The following CACNB2 variants were observed in gnomAD, a reference collection of about 807,000 sequenced individuals.
The protein encoded by CACNB2 is calcium voltage-gated channel auxiliary subunit beta 2.
In CACNB2, 42 loss-of-function variants were observed where a neutral mutation model predicts 73.3. That is an observed-to-expected ratio of 0.57 (90% CI 0.45 to 0.74). CACNB2 has a LOEUF of 0.74. CACNB2 is among the 30% of genes least tolerant of loss of function. The pLI is 0.00. For missense variants in CACNB2, 940 were observed against 853.0 expected (o/e 1.10, Z -1.27); for synonymous variants, 348 against 310.3 (o/e 1.12, Z -1.28).
chr10:18,329,624 A>C (rs1296599402), intron 2 of CACNB2, among the ~76,000 whole-genome samples: 1 of 152,114 alleles, frequency 6.6e-6, no homozygotes, highest in African/African-American at 2.4e-5. Context: ...GTGCGTTTAG[A>C]AAGTTGGATT....
chr10:18,233,040 G>A (rs562127028), intron 2 of CACNB2, among the ~76,000 whole-genome samples: 4 of 152,144 alleles, frequency 2.6e-5, no homozygotes, highest in Non-Finnish European at 4.4e-5. Flanking sequence ...AACCATGATC[G>A]CACCACTGCA....
At chr10:18,245,802 A>G (rs2036837684) in intron 2 of CACNB2, among the ~76,000 whole-genome samples, 1 of 152,116 alleles carries the variant, frequency 6.6e-6, no homozygotes, top group Non-Finnish European at 1.5e-5. Flanking sequence ...AGTCCTGGGT[A>G]GGTGAAGGTA....
intron 2 of CACNB2, among the ~76,000 whole-genome samples, chr10:18,212,342 A>G (rs771633175): frequency 2.2e-5 from 3 of 139,186 alleles, no homozygotes; most frequent in Non-Finnish European, 4.7e-5. Context: ...CCTTGACTTG[A>G]TACCTTTTGC....
chr10:18,325,689 C>CCCTT lies in CACNB2; in HGVS notation c.214-76209_214-76206dup, dbSNP rs1355342877. Among the ~76,000 whole-genome samples the CCCTT allele has an allele frequency of 2.4e-3, 212 of 89,306 alleles. 2 individuals are homozygous for CCCTT. The highest frequency in any genetic ancestry group is 8.0e-3 in the East Asian group (31 of 3,890). The allele number at this position is 89,306 out of a possible 152,430, so 58.6% of individuals were successfully genotyped here. On this transcript the variant is annotated intron_variant, in intron 2 of 13. Transcript: ENST00000324631. ...TTTCTTTCTCTTTCCCTCCCTCCCTCCCTTCCTTCCTTCCTTCCTTCCTTC... is the reference window on the plus strand; with the variant it reads ...TTTCTTTCTCTTTCCCTCCCTCCCTCCCTTCCTTCCTTCCTTCCTTCCTTCCTTC...
At position 18,163,499 on chromosome 10, in the gene CACNB2, G is replaced by A. The variant is rs561983556; in HGVS notation, c.213+12524G>A. ...CATGGGCATGAGGCACTAAGTCTTC[G>A]CCCCTGAGCCAGGACTTTGGCAATA... On this transcript the variant is annotated intron_variant, in intron 2 of 13. Coordinates refer to ENST00000324631, the MANE Select transcript of CACNB2 (RefSeq NM_201596.3). Among the ~76,000 whole-genome samples the A allele has an allele frequency of 4.6e-5, 7 of 152,206 alleles. No individual in the cohort carries two copies. The South Asian group carries it at 1.0e-3, about 23-fold the overall frequency.
At chr10:18,244,066 G>A (rs2036768378) in intron 2 of CACNB2, among the ~76,000 whole-genome samples, 1 of 152,118 alleles carries the variant, frequency 6.6e-6, no homozygotes, top group Admixed American at 6.6e-5. Flanking sequence ...ATGCAATGTG[G>A]CAAGGAAGAT....
chr10:18,176,240 C>A (rs183993929), intron 2 of CACNB2, among the ~76,000 whole-genome samples: 15 of 151,964 alleles, frequency 9.9e-5, no homozygotes, highest in Non-Finnish European at 1.5e-4. Flanking sequence ...GGTCAGTAAC[C>A]CACCAATATA....
At chr10:18,263,484 C>G (rs2037651010) in intron 2 of CACNB2, among the ~76,000 whole-genome samples, 1 of 152,134 alleles carries the variant, frequency 6.6e-6, no homozygotes, top group South Asian at 2.1e-4. Context: ...ATGCATATAT[C>G]TGTTAGATCT....
intron 10 of CACNB2, 63 bp downstream of exon 10, chr10:18,527,760 GACCTAACAAGATGATA>G (rs1472988858): frequency 4.0e-6 from 4 of 1,004,874 alleles, no homozygotes; most frequent in Non-Finnish European, 4.7e-6. Flanking sequence ...ATGATGAGAA[GACCTAACAAGATGATA>G]ATTCCATGTG....
intron 2 of CACNB2, among the ~76,000 whole-genome samples, chr10:18,342,706 T>A (rs1393572106): frequency 6.6e-6 from 1 of 152,220 alleles, no homozygotes; most frequent in Non-Finnish European, 1.5e-5. Flanking sequence ...CAACTCTTTT[T>A]AAAGTCTTTA....
At chr10:18,419,246 C>G (rs2045184040) in intron 3 of CACNB2, among the ~76,000 whole-genome samples, 1 of 152,116 alleles carries the variant, frequency 6.6e-6, no homozygotes, top group South Asian at 2.1e-4. Flanking sequence ...TTCAATAGGT[C>G]ACATAATGGA....
At chr10:18,226,212 C>T (rs551621386) in intron 2 of CACNB2, among the ~76,000 whole-genome samples, 5 of 151,572 alleles carry the variant, frequency 3.3e-5, no homozygotes, top group East Asian at 3.9e-4. Flanking sequence ...TTTTTGGTAG[C>T]GAAGAGGTTT....
chr10:18,510,350 T>C (rs2050700174), intron 6 of CACNB2, among the ~76,000 whole-genome samples: 1 of 152,186 alleles, frequency 6.6e-6, no homozygotes, highest in African/African-American at 2.4e-5. Context: ...TCACCCAGGC[T>C]GGAGTGCAGT....
chr10:18,228,112 T>C (rs556451618), intron 2 of CACNB2, among the ~76,000 whole-genome samples: 31 of 152,214 alleles, frequency 2.0e-4, no homozygotes, highest in African/African-American at 7.2e-4. Flanking sequence ...GGTTAGTTGA[T>C]GGTTCATTTG....
intron 2 of CACNB2, among the ~76,000 whole-genome samples, chr10:18,323,530 A>G (rs1024969674): frequency 6.6e-6 from 1 of 152,112 alleles, no homozygotes; most frequent in African/African-American, 2.4e-5. Context: ...CACTCATCGA[A>G]TCATAGTATA....
chr10:18,403,949 A>C (rs2044146810), intron 3 of CACNB2, among the ~76,000 whole-genome samples: 1 of 151,958 alleles, frequency 6.6e-6, no homozygotes, highest in Non-Finnish European at 1.5e-5. Flanking sequence ...ATAATAACTT[A>C]ATTGTATATT....
intron 9 of CACNB2, among the ~76,000 whole-genome samples, chr10:18,520,668 C>T (rs1564646567): frequency 6.6e-6 from 1 of 152,160 alleles, no homozygotes; most frequent in Non-Finnish European, 1.5e-5. Context: ...CACGTCCTTA[C>T]CTAGATTTTC....
intron 2 of CACNB2, among the ~76,000 whole-genome samples, chr10:18,400,237 G>T (rs1245166269): frequency 1.3e-5 from 2 of 152,164 alleles, no homozygotes; most frequent in African/African-American, 4.8e-5. Flanking sequence ...TTTGATTTTT[G>T]CTATGCAATA....
At chr10:18,310,375 G>T (rs1221890894) in intron 2 of CACNB2, among the ~76,000 whole-genome samples, 1 of 151,828 alleles carries the variant, frequency 6.6e-6, no homozygotes, top group African/African-American at 2.4e-5. Flanking sequence ...GGAGGCTGAG[G>T]TGGGCGGGTC....
Sources: gnomAD v4.1 joint callset for allele counts (sites outside exome capture counted in the v4.1 genomes callset) on GRCh38, gnomAD v4.1.1 for gene constraint, MANE v1.5 for transcripts, NCBI Gene and HGNC (gene_info 2026-07-23, HGNC 2026-07-21) for gene names.